The following CSGALNACT1 variants were observed in gnomAD, a reference collection of about 807,000 sequenced individuals.
The protein encoded by CSGALNACT1 is chondroitin sulfate N-acetylgalactosaminyltransferase 1.
A neutral mutation model predicts 51.0 loss-of-function variants in CSGALNACT1; 52 were observed. The ratio of observed to expected loss-of-function variants is 1.02; its 90% CI spans 0.82 to 1.29. The LOEUF is 1.29. Among genes scored for constraint, CSGALNACT1 ranks in the 50% most tolerant of loss-of-function variants. The pLI, the probability that CSGALNACT1 is intolerant of heterozygous loss-of-function variation, is 0.00. For synonymous variants in CSGALNACT1, 341 were observed against 254.4 expected, an observed-to-expected ratio of 1.34 and a Z score of -3.24; for missense variants, 935 against 679.2, an observed-to-expected ratio of 1.38 and a Z score of -4.19.
intron 1 of CSGALNACT1, among the ~76,000 whole-genome samples, chr8:19,730,725 CT>C (rs1484064469): frequency 6.6e-6 from 1 of 152,132 alleles, no homozygotes; most frequent in Non-Finnish European, 1.5e-5. Flanking sequence ...GAAATGGCCC[CT>C]GATCATCCCT....
chr8:19,686,305 AG>A (rs1330708250), upstream of CSGALNACT1, among the ~76,000 whole-genome samples: 1 of 152,192 alleles, frequency 6.6e-6, no homozygotes, highest in Non-Finnish European at 1.5e-5. Context: ...ACCAGCTTAG[AG>A]GAAAAAAAAC....
At chr8:19,595,674 G>T (rs2048731957) in intron 2 of CSGALNACT1, among the ~76,000 whole-genome samples, 1 of 151,662 alleles carries the variant, frequency 6.6e-6, no homozygotes, top group South Asian at 2.1e-4. Context: ...CCAGCACTTT[G>T]GGAGGCCAAG....
At chr8:19,529,039 C>G (rs1441310687) in intron 3 of CSGALNACT1, among the ~76,000 whole-genome samples, 1 of 152,036 alleles carries the variant, frequency 6.6e-6, no homozygotes, top group African/African-American at 2.4e-5. Flanking sequence ...TTTGAAGTCT[C>G]AAAATTTGAA....
intron 4 of CSGALNACT1, among the ~76,000 whole-genome samples, chr8:19,487,176 C>T (rs953849746): frequency 5.3e-5 from 8 of 152,212 alleles, no homozygotes; most frequent in Non-Finnish European, 1.0e-4. Flanking sequence ...TTTGCTTTAA[C>T]ATTTACTCAC....
At chr8:19,741,848 A>G (rs1322922621) in intron 1 of CSGALNACT1, among the ~76,000 whole-genome samples, 2 of 152,168 alleles carry the variant, frequency 1.3e-5, no homozygotes, top group African/African-American at 2.4e-5. Flanking sequence ...ATGAGAGCTA[A>G]TATTTCTGGT....
At chr8:19,484,977 A>G (rs1329034644) in intron 4 of CSGALNACT1, among the ~76,000 whole-genome samples, 3 of 152,084 alleles carry the variant, frequency 2.0e-5, no homozygotes, top group Non-Finnish European at 4.4e-5. Flanking sequence ...AGCCCTCCGA[A>G]AAAACCAGAC....
At chr8:19,659,199 C>T (rs1287569709) in intron 1 of CSGALNACT1, among the ~76,000 whole-genome samples, 1 of 152,152 alleles carries the variant, frequency 6.6e-6, no homozygotes, top group Non-Finnish European at 1.5e-5. Flanking sequence ...CTCACATAAG[C>T]TCAGTATACG....
chr8:19,688,872 G>A (rs2061128718), intron 1 of CSGALNACT1: 1 of 152,310 alleles, frequency 6.6e-6, no homozygotes, highest in Admixed American at 6.5e-5. Flanking sequence ...ATGGTCCGAA[G>A]ATAATGAACA....
upstream of CSGALNACT1, among the ~76,000 whole-genome samples, chr8:19,604,302 C>T (rs536224312): frequency 2.6e-4 from 39 of 152,216 alleles, no homozygotes; most frequent in African/African-American, 8.9e-4. Context: ...GACAGACGCT[C>T]TATAGGAAGA....
chr8:19,560,664 A>T (rs1213722737), intron 3 of CSGALNACT1, among the ~76,000 whole-genome samples: 1 of 152,232 alleles, frequency 6.6e-6, no homozygotes, highest in African/African-American at 2.4e-5. Flanking sequence ...ATAAAACCAC[A>T]AAGAGATATG....
intron 1 of CSGALNACT1, among the ~76,000 whole-genome samples, chr8:19,614,641 C>T (rs1292150009): frequency 6.6e-6 from 1 of 151,112 alleles, no homozygotes; most frequent in Non-Finnish European, 1.5e-5. Context: ...TTATGCTTCT[C>T]ATTCTATATA....
chr8:19,431,619 G>C (rs574555185), intron 6 of CSGALNACT1, among the ~76,000 whole-genome samples: 1 of 151,918 alleles, frequency 6.6e-6, no homozygotes, highest in Non-Finnish European at 1.5e-5. Context: ...CTGATCTATA[G>C]TTTTCTTTCC....
chr8:19,407,929 G>T (rs1225479759), intron 9 of CSGALNACT1, among the ~76,000 whole-genome samples: 1 of 143,148 alleles, frequency 7.0e-6, no homozygotes, highest in African/African-American at 2.5e-5. Context: ...GTGTGTGTGT[G>T]TGTGTGTGTG....
intron 1 of CSGALNACT1, among the ~76,000 whole-genome samples, chr8:19,615,909 G>C (rs1589047537): frequency 6.6e-6 from 1 of 152,178 alleles, no homozygotes; most frequent in East Asian, 1.9e-4. Context: ...TTTGTATGAA[G>C]AAGTCTTAAT....
At chr8:19,497,451 T>C (rs1365100301) in intron 4 of CSGALNACT1, among the ~76,000 whole-genome samples, 1 of 152,120 alleles carries the variant, frequency 6.6e-6, no homozygotes, top group African/African-American at 2.4e-5. Flanking sequence ...ACTCATCTCC[T>C]ACCTCCCCCG....
intron 1 of CSGALNACT1, among the ~76,000 whole-genome samples, chr8:19,639,282 G>T (rs2056463700): frequency 6.6e-6 from 1 of 152,192 alleles, no homozygotes; most frequent in South Asian, 2.1e-4. Context: ...GGTTAAGAAG[G>T]GTTGTATTTA....
intron 1 of CSGALNACT1, among the ~76,000 whole-genome samples, chr8:19,692,071 G>A (rs1474456139): frequency 1.5e-5 from 2 of 136,354 alleles, no homozygotes; most frequent in Non-Finnish European, 3.2e-5. Context: ...CAAGAGTAGG[G>A]AAAACTGCCT....
intron 3 of CSGALNACT1, among the ~76,000 whole-genome samples, chr8:19,518,281 C>T (rs142389218): frequency 1.7e-3 from 259 of 152,288 alleles, no homozygotes; most frequent in African/African-American, 5.7e-3. Context: ...CCCAGACATA[C>T]ATAAGCAAGC....
chr8:19,748,880 G>A (rs910349066), intron 1 of CSGALNACT1, among the ~76,000 whole-genome samples: 5 of 151,690 alleles, frequency 3.3e-5, no homozygotes, highest in African/African-American at 7.3e-5. Context: ...CAGGAGGATC[G>A]CTTGAACCCG....
Sources: gnomAD v4.1 joint callset for allele counts (sites outside exome capture counted in the v4.1 genomes callset) on GRCh38, gnomAD v4.1.1 for gene constraint, MANE v1.5 for transcripts, NCBI Gene and HGNC (gene_info 2026-07-23, HGNC 2026-07-21) for gene names.